C2orf80: variants seen among roughly 807,000 people sequenced by gnomAD.
The protein encoded by C2orf80 is uncharacterized protein C2orf80.
Under a neutral mutation model 30.2 loss-of-function variants are expected in C2orf80, and 28 were observed. That is an observed-to-expected ratio of 0.93 (90% confidence interval 0.69 to 1.27). The LOEUF is 1.27. Among genes scored for constraint, C2orf80 ranks in the 50% most tolerant of loss-of-function variants. The pLI is 0.00. For missense variants in C2orf80, 220 were observed against 231.0 expected, an observed-to-expected ratio of 0.95 and a Z score of 0.31; for synonymous variants, 80 against 76.4, an observed-to-expected ratio of 1.05 and a Z score of -0.24.
intron 5 of C2orf80, 43 bp from the exon 6 acceptor site, chr2:208,180,859 G>T (rs934790676): frequency 6.5e-7 from 1 of 1,538,232 alleles, no homozygotes; most frequent in African/African-American, 1.4e-5. Flanking sequence ...ATCATACCAT[G>T]GCTTTTCTTT....
rs532207963 is a variant in C2orf80, at chr2:208,180,056, C to T, written c.366+689G>A. On this transcript the variant is annotated intron_variant, in intron 6 of 8. Coordinates refer to ENST00000341287, the MANE Select transcript of C2orf80 (RefSeq NM_001099334.3). ...TGTCATGAGAATGAGCCTTGTGGAT[C>T]TTGTCCTAGTTCTAGAAGATATAGT... Among the ~76,000 whole-genome samples the T allele has an allele frequency of 4.0e-5, 6 of 151,556 alleles. No individual in the cohort carries two copies. The South Asian group carries it at 1.2e-3, about 32-fold the overall frequency.
At chr2:208,170,418 C>A (rs933009192) in intron 8 of C2orf80, among the ~76,000 whole-genome samples, 2 of 152,082 alleles carry the variant, frequency 1.3e-5, no homozygotes, top group Non-Finnish European at 1.5e-5. Context: ...CTGAATTCCA[C>A]CACAAATAAA....
At chr2:208,176,728 GA>G (rs1222067032) in intron 6 of C2orf80, among the ~76,000 whole-genome samples, 1 of 151,792 alleles carries the variant, frequency 6.6e-6, no homozygotes, top group Non-Finnish European at 1.5e-5. Context: ...GAGAATTACA[GA>G]GGTTAGAACA....
intron 4 of C2orf80, among the ~76,000 whole-genome samples, chr2:208,181,668 A>G (rs949350473): frequency 6.6e-6 from 1 of 152,108 alleles, no homozygotes; most frequent in Admixed American, 6.6e-5. Flanking sequence ...CTTCTAGGGA[A>G]GCTGACTACA....
chr2:208,182,508 T>C (rs1559343731), intron 4 of C2orf80, among the ~76,000 whole-genome samples: 1 of 152,142 alleles, frequency 6.6e-6, no homozygotes, highest in Admixed American at 6.5e-5. Context: ...TGGGTTCAAG[T>C]GATTCTCCTC....
chr2:208,167,429 G>A (rs1695931280), intron 8 of C2orf80, among the ~76,000 whole-genome samples: 1 of 151,706 alleles, frequency 6.6e-6, no homozygotes, highest in South Asian at 2.1e-4. Context: ...GACTGAGACA[G>A]GAGAATCGCT....
intron 8 of C2orf80, 104 bp downstream of exon 8, chr2:208,170,841 C>G: frequency 1.1e-6 from 1 of 874,828 alleles, no homozygotes; most frequent in Non-Finnish European, 1.9e-6. Context: ...AGATTCAAAC[C>G]CAGAGCACCT....
rs113386056 is a variant in C2orf80, at chr2:208,173,730, G to T, written c.367-1655C>A. On this transcript the variant is annotated intron_variant, in intron 6 of 8. Transcript: ENST00000341287. ...GTGGTAAAACTATAAAGAAGTAAAAGATAGTAATCAACACATAATTCAAAC... is the reference window on the plus strand; with the variant it reads ...GTGGTAAAACTATAAAGAAGTAAAATATAGTAATCAACACATAATTCAAAC... Among the ~76,000 whole-genome samples, 9 of 152,276 alleles carry T rather than the reference G, an allele frequency of 5.9e-5. 1 individual carries two copies. Among genetic ancestry groups the T allele is most frequent in the African/African-American group, 2.2e-4 (9 of 41,562 alleles).
intron 8 of C2orf80, 142 bp downstream of exon 8, chr2:208,170,803 G>A (rs2105892958): frequency 1.5e-6 from 1 of 684,114 alleles, no homozygotes; most frequent in East Asian, 2.5e-5. Context: ...CTTGCCTGAT[G>A]TCCCATAGCT....
chr2:208,188,448 A>ATTTTTTTT, intron 1 of C2orf80, among the ~76,000 whole-genome samples: 1 of 140,186 alleles, frequency 7.1e-6, no homozygotes, highest in African/African-American at 2.6e-5. Flanking sequence ...ATTATTTTGG[A>ATTTTTTTT]TTTTTTTTTT....
chr2:208,171,344 G>C (rs1038390320), intron 7 of C2orf80, among the ~76,000 whole-genome samples: 2 of 151,854 alleles, frequency 1.3e-5, no homozygotes, highest in Admixed American at 6.6e-5. Context: ...TTTTGAGATG[G>C]AGTTTCACTC....
rs112456022 is a variant in C2orf80, at chr2:208,187,077, A to G, written c.-75-16T>C. On this transcript the variant is annotated splice_polypyrimidine_tract_variant and intron_variant, in intron 1 of 8. Transcript: ENST00000341287. Reference sequence around the variant, plus strand: ...AGTCTAGAGGCTACAGCAGCAAATCAGAGAGAATATGAGTTAGGGATGCTA... The same window carrying G: ...AGTCTAGAGGCTACAGCAGCAAATCGGAGAGAATATGAGTTAGGGATGCTA... 6.3e-4 allele frequency: 767 copies of G among 1,214,672 alleles called. 4 individuals carry two copies. The African/African-American group carries it at 9.6e-3, about 15-fold the overall frequency. 75.2% of individuals were successfully genotyped at this position (1,214,672 alleles called of 1,614,324 possible). A position where few individuals can be genotyped will look rare whatever the true frequency, so the allele number is the denominator to read the frequency against.
At chr2:208,189,363 T>C (rs1179237266) in intron 1 of C2orf80, among the ~76,000 whole-genome samples, 4 of 152,166 alleles carry the variant, frequency 2.6e-5, no homozygotes, top group Non-Finnish European at 5.9e-5. Context: ...TTCAATATGG[T>C]ATAATATGCA....
At chr2:208,166,315 T>G (rs1191494378) in intron 8 of C2orf80, among the ~76,000 whole-genome samples, 2 of 152,178 alleles carry the variant, frequency 1.3e-5, no homozygotes, top group Non-Finnish European at 2.9e-5. Flanking sequence ...CAGAATATAA[T>G]AAAGCTAACA....
intron 8 of C2orf80, among the ~76,000 whole-genome samples, chr2:208,166,220 A>C (rs1695882795): frequency 6.6e-6 from 1 of 152,166 alleles, no homozygotes; most frequent in Non-Finnish European, 1.5e-5. Flanking sequence ...AGGTACATAG[A>C]GTAAAGTGGT....
intron 6 of C2orf80, among the ~76,000 whole-genome samples, chr2:208,176,917 A>G (rs1157047917): frequency 1.6e-5 from 2 of 122,362 alleles, no homozygotes; most frequent in African/African-American, 6.0e-5. Flanking sequence ...GTGTATACAT[A>G]TCTGTATACA....
At position 208,185,003 on chromosome 2, in the gene C2orf80, T is replaced by A. The variant is rs1477922758; in HGVS notation, c.71A>T (p.Glu24Val). Reference sequence around the variant, plus strand: ...TCTTCCTTTTGGGTCAAATTCATTTTCCCGAAGTCTGATGCCAATATAATC... The same window carrying A: ...TCTTCCTTTTGGGTCAAATTCATTTACCCGAAGTCTGATGCCAATATAATC... ...LGDYIGIRLR[E>V]NEFDPKGRRQ... The change falls in exon 3 of 9, where the codon GAA becomes GTA. Residue 24 changes from glutamate to valine, a missense_variant. Glu to Val is a moderately radical substitution (Grantham distance 121). Coordinates refer to ENST00000341287, the MANE Select transcript of C2orf80 (RefSeq NM_001099334.3). The A allele has an allele frequency of 6.2e-7, 1 of 1,613,990 alleles. No individual in the cohort carries two copies. The highest frequency in any genetic ancestry group is 8.5e-7 in the Non-Finnish European group (1 of 1,179,920).
At position 208,180,831 on chromosome 2, in the gene C2orf80, C is replaced by G. The variant is rs745456024; in HGVS notation, c.295-15G>C. 1 of 1,604,376 alleles carries G rather than the reference C, an allele frequency of 6.2e-7. No homozygotes were observed. Among genetic ancestry groups the G allele is most frequent in the Non-Finnish European group, 8.5e-7 (1 of 1,172,576 alleles). On this transcript the variant is annotated splice_polypyrimidine_tract_variant and intron_variant, in intron 5 of 8. Coordinates refer to ENST00000341287, the MANE Select transcript of C2orf80 (RefSeq NM_001099334.3). Reference sequence around the variant, plus strand: ...GGGATACTGTTCTGTTAAACAACAACAGCAATAACAAAGTATGATCATACC... The same window carrying G: ...GGGATACTGTTCTGTTAAACAACAAGAGCAATAACAAAGTATGATCATACC...
intron 8 of C2orf80, among the ~76,000 whole-genome samples, chr2:208,170,663 C>G (rs1212826725): frequency 6.6e-6 from 1 of 152,144 alleles, no homozygotes; most frequent in African/African-American, 2.4e-5. Context: ...GGGTTTACTC[C>G]ATGCTAAGCA....
Sources: gnomAD v4.1 joint callset for allele counts (sites outside exome capture counted in the v4.1 genomes callset) on GRCh38, gnomAD v4.1.1 for gene constraint, MANE v1.5 for transcripts, NCBI Gene and HGNC (gene_info 2026-07-23, HGNC 2026-07-21) for gene names.